Variants in RARS2 observed in about 807,000 individuals in gnomAD.
RARS2 encodes the protein probable arginine--tRNA ligase, mitochondrial.
In RARS2, 67 loss-of-function variants were observed where a neutral mutation model predicts 88.5. The ratio of observed to expected loss-of-function variants is 0.76; its 90% confidence interval spans 0.62 to 0.93. RARS2 has a LOEUF of 0.93. Among genes scored for constraint, RARS2 ranks in the 40% least tolerant of loss-of-function variants. The pLI is 0.00. For missense variants in RARS2, 664 were observed against 684.2 expected (o/e 0.97, Z 0.33); for synonymous variants, 239 against 230.3 (o/e 1.04, Z -0.34).
At chr6:87,578,141 A>G (rs1404577678) in intron 1 of RARS2, among the ~76,000 whole-genome samples, 4 of 151,130 alleles carry the variant, frequency 2.6e-5, no homozygotes, top group Non-Finnish European at 5.9e-5. Context: ...TAAAAATAAA[A>G]ATAATAAAAA....
At chr6:87,523,822 A>G (rs575112180) in intron 11 of RARS2, among the ~76,000 whole-genome samples, 2 of 152,354 alleles carry the variant, frequency 1.3e-5, no homozygotes, top group East Asian at 3.9e-4. Flanking sequence ...GTTGATACAA[A>G]AAACTTTTCT....
intron 6 of RARS2, 113 bp downstream of exon 6, chr6:87,548,478 T>G: frequency 9.4e-7 from 1 of 1,059,812 alleles, no homozygotes; most frequent in East Asian, 2.7e-5. Context: ...TCATATAAAT[T>G]TAAACTTTTT....
chr6:87,576,512 G>A lies in RARS2; in HGVS notation c.37-6922C>T, dbSNP rs866690043. On this transcript the variant is annotated intron_variant, in intron 1 of 19. Coordinates refer to ENST00000369536, the MANE Select transcript of RARS2 (RefSeq NM_020320.5). ...AGGATGGTCTCGATCTCCTGACCTC[G>A]TGATCCGCCCGCCTCGGCCTCCCAA... 9.0e-5 allele frequency among the ~76,000 whole-genome samples: 5 copies of A among 55,836 alleles called. 1 individual carries two copies. The highest frequency in any genetic ancestry group is 6.2e-4 in the South Asian group (1 of 1,606). 36.6% of individuals were successfully genotyped at this position (55,836 alleles called of 152,430 possible).
Position 87,555,464 on chromosome 6 carries a change from T to C in RARS2, c.339A>G (p.Gly113=), listed in dbSNP as rs1475406966. 1 of 1,614,024 alleles carries C rather than the reference T, an allele frequency of 6.2e-7. No homozygotes were observed. Among genetic ancestry groups the C allele is most frequent in the East Asian group, 2.2e-5 (1 of 44,858 alleles). The part of the protein sequence containing the change: ...QQVIEDGSKY[G]LKSELFSGLP... Reference sequence around the variant, plus strand: ...GTCCAGAGAAAAGTTCACTTTTTAATCCATATTTTGAGCCATCTTCAATTA... The same window carrying C: ...GTCCAGAGAAAAGTTCACTTTTTAACCCATATTTTGAGCCATCTTCAATTA... Residue 113 remains glycine (G), a synonymous_variant, in exon 5 of 20, where the codon GGA becomes GGG. Transcript: ENST00000369536.
At chr6:87,542,926 G>A (rs1781459601) in intron 7 of RARS2, among the ~76,000 whole-genome samples, 1 of 151,630 alleles carries the variant, frequency 6.6e-6, no homozygotes, top group Non-Finnish European at 1.5e-5. Context: ...TAACAAACCT[G>A]CACGTTGTGC....
chr6:87,569,804 A>T (rs1173385574), intron 1 of RARS2, among the ~76,000 whole-genome samples: 1 of 152,162 alleles, frequency 6.6e-6, no homozygotes, highest in African/African-American at 2.4e-5. Flanking sequence ...ATGAAGAATA[A>T]ATCTGTGGTT....
At chr6:87,543,607 C>G (rs527339480) in intron 7 of RARS2, among the ~76,000 whole-genome samples, 9 of 151,548 alleles carry the variant, frequency 5.9e-5, no homozygotes, top group African/African-American at 2.2e-4. Context: ...TGCCACTGCA[C>G]GCCAGCCTGG....
chr6:87,545,953 T>C (rs1189038481), intron 6 of RARS2, among the ~76,000 whole-genome samples: 1 of 151,924 alleles, frequency 6.6e-6, no homozygotes, highest in African/African-American at 2.4e-5. Context: ...ACATTATTAA[T>C]AGGATTTGAG....
chr6:87,564,082 A>C, intron 3 of RARS2, 48 bp downstream of exon 3: 1 of 1,443,144 alleles, frequency 6.9e-7, no homozygotes, highest in Non-Finnish European at 9.8e-7. Flanking sequence ...ACTTTTTTTA[A>C]TAACAAGTTT....
chr6:87,551,468 A>G (rs1024871619), intron 5 of RARS2, among the ~76,000 whole-genome samples: 6 of 151,746 alleles, frequency 4.0e-5, no homozygotes, highest in Admixed American at 6.6e-5. Context: ...TCTATTAAAA[A>G]TAGAAAAATT....
At chr6:87,551,972 T>C (rs1171659574) in intron 5 of RARS2, among the ~76,000 whole-genome samples, 1 of 152,232 alleles carries the variant, frequency 6.6e-6, no homozygotes, top group Admixed American at 6.5e-5. Flanking sequence ...TTACACCATC[T>C]ACCACGAGGA....
chr6:87,518,559 G>C, intron 16 of RARS2, 71 bp downstream of exon 16: 1 of 1,466,602 alleles, frequency 6.8e-7, no homozygotes, highest in Non-Finnish European at 9.5e-7. Flanking sequence ...AGGGCCTCTG[G>C]TCTTAGAATC....
At chr6:87,554,861 G>A (rs1288284028) in intron 5 of RARS2, among the ~76,000 whole-genome samples, 5 of 152,098 alleles carry the variant, frequency 3.3e-5, no homozygotes. Flanking sequence ...AGCACTTTTT[G>A]GGAGGCTGAG....
intron 2 of RARS2, among the ~76,000 whole-genome samples, chr6:87,565,399 A>C (rs1281929278): frequency 6.6e-6 from 1 of 152,232 alleles, no homozygotes; most frequent in African/African-American, 2.4e-5. Context: ...AAAAATACAA[A>C]AACAAAGAAA....
At chr6:87,539,930 AAAAT>A (rs926538393) in intron 8 of RARS2, among the ~76,000 whole-genome samples, 1 of 152,168 alleles carries the variant, frequency 6.6e-6, no homozygotes, top group Non-Finnish European at 1.5e-5. Flanking sequence ...TTCAAGTGTA[AAAAT>A]AAATAAATAA....
At chr6:87,514,631 A>G in intron 19 of RARS2, 132 bp from the exon 20 acceptor site, 1 of 814,218 alleles carries the variant, frequency 1.2e-6, no homozygotes, top group Middle Eastern at 3.2e-4. Flanking sequence ...TAGAGTTACT[A>G]TAGGCAAGAG....
chr6:87,582,671 G>C (rs920585048), intron 1 of RARS2, among the ~76,000 whole-genome samples: 1 of 152,208 alleles, frequency 6.6e-6, no homozygotes, highest in Admixed American at 6.6e-5. Flanking sequence ...TACAAACGTA[G>C]ATAATTCAGT....
In RARS2 at chr6:87,530,838, T is replaced by A. The variant is rs778789743; in HGVS notation, c.717A>T (p.Ser239=). Residue 239 remains serine (S), a synonymous_variant, in exon 9 of 20, where the codon TCA becomes TCT. Coordinates refer to ENST00000369536, the MANE Select transcript of RARS2 (RefSeq NM_020320.5). ...RLELGDVQAL[S]LWQKFRDLSI... is the part of the protein sequence containing the mutation. Reference sequence around the variant, plus strand: ...TCAAGTCCCGAAATTTTTGCCACAGTGAAAGTGCTTGCACATCGCCCAGTT... The same window carrying A: ...TCAAGTCCCGAAATTTTTGCCACAGAGAAAGTGCTTGCACATCGCCCAGTT... The A allele has an allele frequency of 1.2e-6, 2 of 1,614,178 alleles. No individual in the cohort carries two copies. Among genetic ancestry groups the A allele is most frequent in the East Asian group, 4.5e-5 (2 of 44,874 alleles).
chr6:87,517,746 T>C (rs1028737515), intron 17 of RARS2, among the ~76,000 whole-genome samples: 1 of 152,162 alleles, frequency 6.6e-6, no homozygotes, highest in Non-Finnish European at 1.5e-5. Flanking sequence ...CATACATATA[T>C]GTATTTGAGA....
Sources: gnomAD v4.1 joint callset for allele counts (sites outside exome capture counted in the v4.1 genomes callset) on GRCh38, gnomAD v4.1.1 for gene constraint, MANE v1.5 for transcripts, NCBI Gene and HGNC (gene_info 2026-07-23, HGNC 2026-07-21) for gene names.